CACNA2D3: variants seen among roughly 807,000 people sequenced by gnomAD.
CACNA2D3 encodes calcium voltage-gated channel auxiliary subunit alpha2delta 3, also known as voltage-dependent calcium channel subunit alpha-2/delta-3.
CACNA2D3 carries 60 observed loss-of-function variants against 160.6 expected under a neutral mutation model. The ratio of observed to expected loss-of-function variants is 0.37; its 90% CI spans 0.30 to 0.46. The LOEUF (loss-of-function observed/expected upper bound fraction) is 0.46. CACNA2D3 is among the 20% of genes least tolerant of loss of function. The pLI is 1.00. For missense variants in CACNA2D3, 1,205 were observed against 1,365.0 expected (o/e 0.88, Z 1.85); for synonymous variants, 558 against 492.9 (o/e 1.13, Z -1.75).
rs180907758 is a variant in CACNA2D3, at chr3:54,958,833, G to A, written c.2450-9617G>A. Among the ~76,000 whole-genome samples, 10 of 152,278 alleles carry A rather than the reference G, an allele frequency of 6.6e-5. No homozygotes were observed. In the East Asian group the frequency reaches 1.7e-3, roughly 27 times the overall value. ...AAAAATATTTTATCTGCCTGGCATGGTGGCTCACACTTGTAATCTCAGCAC... is the reference window on the plus strand; with the variant it reads ...AAAAATATTTTATCTGCCTGGCATGATGGCTCACACTTGTAATCTCAGCAC... On this transcript the variant is annotated intron_variant, in intron 27 of 37. Transcript: ENST00000474759.
chr3:54,885,600 C>G lies in CACNA2D3; in HGVS notation c.2056+14C>G. 6.3e-7 allele frequency: 1 copy of G among 1,596,966 alleles called. No homozygotes were observed. The highest frequency in any genetic ancestry group is 1.3e-5 in the African/African-American group (1 of 74,714). ...CTCTGCTCCAGTGTGAGTATGCTTT[C>G]AAAAGTGTGCTGTGCCTTCAGGGGT... On this transcript the variant is annotated intron_variant, in intron 23 of 37. Transcript: ENST00000474759.
intron 11 of CACNA2D3, among the ~76,000 whole-genome samples, chr3:54,657,368 T>C (rs1412340259): frequency 2.6e-5 from 4 of 152,194 alleles, no homozygotes; most frequent in African/African-American, 9.7e-5. Flanking sequence ...TTGTTTTGTT[T>C]TTGTGATTAG....
chr3:54,458,597 T>C (rs1266706485), intron 4 of CACNA2D3, among the ~76,000 whole-genome samples: 1 of 152,034 alleles, frequency 6.6e-6, no homozygotes, highest in Non-Finnish European at 1.5e-5. Context: ...GTGTTTAGCA[T>C]TCTCTCTTTG....
chr3:54,871,182 G>GACAC lies in CACNA2D3; in HGVS notation c.1627-318_1627-315dup, dbSNP rs376258511. On this transcript the variant is annotated intron_variant, in intron 17 of 37. Coordinates refer to ENST00000474759, the MANE Select transcript of CACNA2D3 (RefSeq NM_018398.3). ...TTTACATGTATACCATATAGGTGGA[G>GACAC]ACACACACACACACACACACACACA... Among the ~76,000 whole-genome samples, 503 of 127,756 alleles carry GACAC rather than the reference G, an allele frequency of 3.9e-3. 2 individuals are homozygous for GACAC. The highest frequency in any genetic ancestry group is 8.1e-3 in the Middle Eastern group (2 of 246). The allele number at this position is 127,756 out of a possible 152,430, so 83.8% of individuals were successfully genotyped here.
At chr3:54,467,643 G>C (rs980511887) in intron 4 of CACNA2D3, among the ~76,000 whole-genome samples, 1 of 152,108 alleles carries the variant, frequency 6.6e-6, no homozygotes. Flanking sequence ...GAAAAATACT[G>C]CATGATTTCA....
chr3:54,830,384 T>C (rs563521036), intron 14 of CACNA2D3, among the ~76,000 whole-genome samples: 2 of 152,314 alleles, frequency 1.3e-5, no homozygotes, highest in Admixed American at 6.5e-5. Flanking sequence ...GACCTAATTG[T>C]TGATAACCGC....
rs537452788 is a variant in CACNA2D3, at chr3:54,725,274, G to C, written c.1168-27325G>C. Among the ~76,000 whole-genome samples the C allele has an allele frequency of 1.9e-3, 295 of 152,252 alleles. 1 individual carries two copies. Among genetic ancestry groups the C allele is most frequent in the Non-Finnish European group, 2.9e-3 (200 of 68,016 alleles). On this transcript the variant is annotated intron_variant, in intron 11 of 37. Transcript: ENST00000474759. ...TCCAAAATTGAAGTGGTAATTAATAGCCTACCAACCAAAAGAAGTCCAGGA... is the reference window on the plus strand; with the variant it reads ...TCCAAAATTGAAGTGGTAATTAATACCCTACCAACCAAAAGAAGTCCAGGA...
chr3:54,502,331 G>C (rs1372399824), intron 4 of CACNA2D3, among the ~76,000 whole-genome samples: 10 of 151,768 alleles, frequency 6.6e-5, no homozygotes, highest in African/African-American at 1.9e-4. Flanking sequence ...TCTTCTTTTT[G>C]CATTTCTTTT....
chr3:54,703,108 A>T (rs1700795726), intron 11 of CACNA2D3, among the ~76,000 whole-genome samples: 1 of 152,194 alleles, frequency 6.6e-6, no homozygotes, highest in Non-Finnish European at 1.5e-5. Context: ...GGTGAGGATC[A>T]CAAAACTATC....
intron 2 of CACNA2D3, among the ~76,000 whole-genome samples, chr3:54,138,434 A>G (rs9311523): frequency 0.029 from 4,441 of 152,264 alleles, 217 homozygotes; most frequent in African/African-American, 0.1. Flanking sequence ...TTTGCCTAGC[A>G]CCTAGAGAAC....
intron 17 of CACNA2D3, among the ~76,000 whole-genome samples, chr3:54,863,611 G>A (rs1363201869): frequency 3.3e-5 from 5 of 152,000 alleles, no homozygotes; most frequent in Admixed American, 1.3e-4. Flanking sequence ...GGGCTAAGCC[G>A]CCTCCTCCCC....
intron 14 of CACNA2D3, among the ~76,000 whole-genome samples, chr3:54,820,911 C>G (rs1921535): frequency 0.017 from 2,653 of 152,196 alleles, 88 homozygotes; most frequent in African/African-American, 0.059. Flanking sequence ...CACGTAGATT[C>G]TGTCTATAGG....
intron 8 of CACNA2D3, among the ~76,000 whole-genome samples, chr3:54,581,549 T>C (rs961780519): frequency 6.6e-6 from 1 of 152,082 alleles, no homozygotes; most frequent in African/African-American, 2.4e-5. Context: ...GTTAACAGGG[T>C]GCACCCTGAA....
intron 11 of CACNA2D3, among the ~76,000 whole-genome samples, chr3:54,687,164 T>C (rs1700479364): frequency 7.2e-6 from 1 of 139,002 alleles, no homozygotes; most frequent in African/African-American, 2.6e-5. Flanking sequence ...TTTTTGACAC[T>C]GGGCCTCACC....
At chr3:54,790,698 A>G (rs957422680) in intron 13 of CACNA2D3, among the ~76,000 whole-genome samples, 19 of 152,030 alleles carry the variant, frequency 1.2e-4, no homozygotes, top group African/African-American at 4.3e-4. Context: ...CCTAGAGCCC[A>G]CCTTCCAAGT....
chr3:54,145,258 G>T (rs1372108587), intron 2 of CACNA2D3, among the ~76,000 whole-genome samples: 1 of 152,184 alleles, frequency 6.6e-6, no homozygotes, highest in South Asian at 2.1e-4. Flanking sequence ...TTATGTAATG[G>T]GGTCTAAACC....
chr3:55,041,255 A>T (rs1575448150), intron 35 of CACNA2D3, among the ~76,000 whole-genome samples: 1 of 152,340 alleles, frequency 6.6e-6, no homozygotes, highest in Admixed American at 6.5e-5. Context: ...TGCATGTATA[A>T]TTTAACATTT....
At chr3:54,811,117 C>T (rs1000748523) in intron 13 of CACNA2D3, among the ~76,000 whole-genome samples, 2 of 152,182 alleles carry the variant, frequency 1.3e-5, no homozygotes, top group African/African-American at 4.8e-5. Context: ...CTCAGGCCTC[C>T]TCCCGGGACA....
intron 2 of CACNA2D3, among the ~76,000 whole-genome samples, chr3:54,135,369 T>A (rs1699795895): frequency 2.0e-5 from 3 of 152,326 alleles, no homozygotes; most frequent in East Asian, 3.9e-4. Flanking sequence ...AGGAAATCTT[T>A]AAGAGTGGCC....
Sources: allele counts gnomAD v4.1 joint callset (sites outside exome capture counted in the v4.1 genomes callset), GRCh38; gene constraint gnomAD v4.1.1; transcripts MANE v1.5; gene names NCBI Gene and HGNC (gene_info 2026-07-23, HGNC 2026-07-21).